Variants in RUNX1T1 observed in about 807,000 individuals in gnomAD.
RUNX1T1 encodes protein CBFA2T1.
RUNX1T1 carries 4 observed loss-of-function variants against 62.8 expected under a neutral mutation model. The observed-to-expected ratio is 0.06, with a 90% CI of 0.03 to 0.15. The LOEUF (loss-of-function observed/expected upper bound fraction) is 0.15, where lower values mean the gene tolerates loss of function less well. Among genes scored for constraint, RUNX1T1 ranks in the 10% least tolerant of loss-of-function variants. The pLI is 1.00. For missense variants in RUNX1T1, 508 were observed against 754.3 expected (o/e 0.67, Z 3.82); for synonymous variants, 291 against 286.0 (o/e 1.02, Z -0.18).
intron 1 of RUNX1T1, among the ~76,000 whole-genome samples, chr8:92,061,220 T>C (rs1270916129): frequency 6.6e-6 from 1 of 152,228 alleles, no homozygotes; most frequent in African/African-American, 2.4e-5. Context: ...AAAATGCTGA[T>C]AAATCAGATC....
chr8:92,070,701 T>C (rs1833541016), intron 2 of RUNX1T1, among the ~76,000 whole-genome samples: 1 of 152,254 alleles, frequency 6.6e-6, no homozygotes, highest in Admixed American at 6.5e-5. Context: ...AAGGACAGAA[T>C]CAATTCCTTG....
chr8:91,982,693 T>C (rs1304323239), intron 8 of RUNX1T1, among the ~76,000 whole-genome samples: 1 of 152,182 alleles, frequency 6.6e-6, no homozygotes, highest in African/African-American at 2.4e-5. Flanking sequence ...TGTTAAGAGT[T>C]GGATACTTGG....
At chr8:91,999,202 A>C (rs1047304805) in intron 5 of RUNX1T1, among the ~76,000 whole-genome samples, 1 of 152,202 alleles carries the variant, frequency 6.6e-6, no homozygotes, top group African/African-American at 2.4e-5. Context: ...ACATGTATAC[A>C]GAAGGTACCA....
chr8:92,100,319 T>TA (rs1305350763), upstream of RUNX1T1, among the ~76,000 whole-genome samples: 1 of 152,202 alleles, frequency 6.6e-6, no homozygotes, highest in Non-Finnish European at 1.5e-5. Flanking sequence ...TTTTATTAGG[T>TA]ATAAACTGGA....
exon 8 of RUNX1T1, chr8:91,986,206 G>A (rs770187046): frequency 4.3e-6 from 7 of 1,613,952 alleles, no homozygotes; most frequent in South Asian, 1.1e-5. Context: ...TTAAGTCCTC[G>A]GCGTCACTGT....
In RUNX1T1 at chr8:91,965,704, C is replaced by T. The variant is rs148243415; in HGVS notation, c.1458+4954G>A. On this transcript the variant is annotated intron_variant, in intron 10 of 10. Transcript: ENST00000396218. ...TGCCCAAGACTTTGTCACTTTATTGCAAACCCCTCTTTCTTTAGCCCCTGG... is the reference window on the plus strand; with the variant it reads ...TGCCCAAGACTTTGTCACTTTATTGTAAACCCCTCTTTCTTTAGCCCCTGG... Among the ~76,000 whole-genome samples the T allele has an allele frequency of 1.1e-4, 16 of 152,184 alleles. No homozygotes were observed. The East Asian group carries it at 2.9e-3, about 28-fold the overall frequency.
At chr8:92,089,299 A>G (rs576979822) in intron 1 of RUNX1T1, among the ~76,000 whole-genome samples, 2 of 152,340 alleles carry the variant, frequency 1.3e-5, no homozygotes, top group East Asian at 3.9e-4. Context: ...ACTAAAGTAC[A>G]AAATCAATAG....
chr8:92,085,108 G>A (rs1401409078), intron 1 of RUNX1T1, among the ~76,000 whole-genome samples: 1 of 152,186 alleles, frequency 6.6e-6, no homozygotes, highest in Non-Finnish European at 1.5e-5. Context: ...ATTTCTAGAT[G>A]AAAAGGGTAG....
Position 91,986,989 on chromosome 8 carries a change from G to C in RUNX1T1, c.911-17C>G, listed in dbSNP as rs780885511. 1 of 1,548,804 alleles carries C rather than the reference G, an allele frequency of 6.5e-7. No individual in the cohort carries two copies. Among genetic ancestry groups the C allele is most frequent in the East Asian group, 2.2e-5 (1 of 44,546 alleles). ...CATGCAACCCTACAAAAATAGAGAA[G>C]GCTGAATAACCCTAAAGCATTCAGT... On this transcript the variant is annotated splice_polypyrimidine_tract_variant and intron_variant, in intron 6 of 10. Coordinates refer to ENST00000396218, the Ensembl canonical transcript of RUNX1T1.
At chr8:92,095,428 G>A (rs1563949145) in intron 1 of RUNX1T1, 1 of 1,535,540 alleles carries the variant, frequency 6.5e-7, no homozygotes, top group Non-Finnish European at 8.7e-7. Flanking sequence ...AACACACATT[G>A]GAGCTTATCA....
intron 5 of RUNX1T1, among the ~76,000 whole-genome samples, chr8:91,993,752 G>A (rs192030006): frequency 7.9e-4 from 120 of 152,168 alleles, no homozygotes; most frequent in African/African-American, 1.5e-3. Context: ...AGCACTTTGC[G>A]AGGCCGAGGC....
chr8:91,979,512 GTA>G (rs767208278), intron 8 of RUNX1T1, among the ~76,000 whole-genome samples: 26 of 151,496 alleles, frequency 1.7e-4, no homozygotes, highest in Non-Finnish European at 3.2e-4. Context: ...AATGTTAAAC[GTA>G]TATATATATG....
chr8:92,002,317 C>A (rs1294769837), intron 5 of RUNX1T1, among the ~76,000 whole-genome samples: 2 of 152,020 alleles, frequency 1.3e-5, no homozygotes, highest in Non-Finnish European at 2.9e-5. Flanking sequence ...GAAAACATTT[C>A]ACTGTTCCAT....
At chr8:92,001,929 CA>C (rs1457439475) in intron 5 of RUNX1T1, among the ~76,000 whole-genome samples, 1 of 152,160 alleles carries the variant, frequency 6.6e-6, no homozygotes, top group Non-Finnish European at 1.5e-5. Context: ...TCTTCCTACA[CA>C]AAAGTGCTTG....
At chr8:92,044,018 A>C (rs1828951771) in intron 1 of RUNX1T1, among the ~76,000 whole-genome samples, 1 of 151,842 alleles carries the variant, frequency 6.6e-6, no homozygotes, top group South Asian at 2.1e-4. Flanking sequence ...AATTTATGCC[A>C]AAGTTTCTAA....
At chr8:92,056,428 A>G (rs1351538140) in intron 1 of RUNX1T1, among the ~76,000 whole-genome samples, 25 of 152,166 alleles carry the variant, frequency 1.6e-4, no homozygotes, top group Admixed American at 1.6e-3. Context: ...TACTTTTAAA[A>G]TTATTTTCTT....
chr8:92,037,641 T>C (rs1827667301), intron 1 of RUNX1T1, among the ~76,000 whole-genome samples: 1 of 152,182 alleles, frequency 6.6e-6, no homozygotes, highest in South Asian at 2.1e-4. Context: ...ATCACACCAC[T>C]GCACTCCAGC....
At chr8:92,003,131 A>C (rs1419959639) in intron 5 of RUNX1T1, among the ~76,000 whole-genome samples, 1 of 152,230 alleles carries the variant, frequency 6.6e-6, no homozygotes, top group Non-Finnish European at 1.5e-5. Context: ...ACCATCCATG[A>C]AAAACCAAAG....
intron 2 of RUNX1T1, among the ~76,000 whole-genome samples, chr8:92,069,427 AT>A (rs1229566408): frequency 6.6e-6 from 1 of 152,060 alleles, no homozygotes; most frequent in Non-Finnish European, 1.5e-5. Context: ...AAATCCCAGA[AT>A]TTTTTTCATC....
Sources: gnomAD v4.1 joint callset for allele counts (sites outside exome capture counted in the v4.1 genomes callset) on GRCh38, gnomAD v4.1.1 for gene constraint, MANE v1.5 for transcripts, NCBI Gene and HGNC (gene_info 2026-07-23, HGNC 2026-07-21) for gene names.